UGT1A3: variants seen among roughly 807,000 people sequenced by gnomAD.
UGT1A3 encodes the protein UDP glucuronosyltransferase family 1 member A3.
A neutral mutation model predicts 41.0 loss-of-function variants in UGT1A3; 31 were observed. The ratio of observed to expected loss-of-function variants is 0.76; its 90% confidence interval spans 0.57 to 1.02. The LOEUF (loss-of-function observed/expected upper bound fraction) is 1.02, where lower values mean the gene tolerates loss of function less well. Ranked by LOEUF, UGT1A3 falls within the 50% of genes least tolerant of loss-of-function variation. The pLI is 0.00. For missense variants in UGT1A3, 737 were observed against 671.0 expected (o/e 1.10, Z -1.09); for synonymous variants, 262 against 257.6 (o/e 1.02, Z -0.17).
chr2:233,747,307 C>T (rs1472274155), intron 1 of UGT1A3: 68 of 1,602,316 alleles, frequency 4.2e-5, no homozygotes, highest in Admixed American at 3.8e-4. Flanking sequence ...TGGGAAGGTG[C>T]TGGTGGTACC....
intron 1 of UGT1A3, among the ~76,000 whole-genome samples, chr2:233,734,301 T>TATATACGTATAAATACG (rs2078508917): frequency 6.6e-6 from 1 of 152,170 alleles, no homozygotes; most frequent in Non-Finnish European, 1.5e-5. Context: ...GATTTTCTAG[T>TATATACGTATAAATACG]TTATTTGTGT....
chr2:233,769,864 A>C lies in UGT1A3; in HGVS notation c.1307+1425A>C, dbSNP rs2126048970. On this transcript the variant is annotated intron_variant, in intron 4 of 4. Transcript: ENST00000482026. The surrounding 1 kb of genome is among the most constrained non-coding windows in gnomAD (Gnocchi z 4.4). ...CAGAGTGAGACCCTGTCTCAAAAAA[A>C]AAAAAAAAAATGAAAAGTCCACATA... 6.3e-6 allele frequency: 3 copies of C among 472,760 alleles called. No homozygotes were observed. The highest frequency in any genetic ancestry group is 3.9e-5 in the South Asian group (1 of 25,612). The allele number at this position is 472,760 out of a possible 1,614,324, so 29.3% of individuals were successfully genotyped here. A position where few individuals can be genotyped will look rare whatever the true frequency, so the allele number is the denominator to read the frequency against.
chr2:233,761,925 G>C (rs1697902891), intron 1 of UGT1A3, among the ~76,000 whole-genome samples: 1 of 152,224 alleles, frequency 6.6e-6, no homozygotes, highest in Admixed American at 6.5e-5. Flanking sequence ...GGCAGCCCAG[G>C]CACTTCCCAG....
In UGT1A3 at chr2:233,729,672, TAAGGGCACACAGTGTCC is replaced by T. The variant is rs2077905850; in HGVS notation, c.549_565del (p.Gly184ProfsTer7). The T allele has an allele frequency of 6.2e-7, 1 of 1,613,858 alleles. No individual in the cohort carries two copies. The highest frequency in any genetic ancestry group is 1.1e-5 in the South Asian group (1 of 91,074). On this transcript the variant is annotated frameshift_variant, in exon 1 of 5. Transcript: ENST00000482026. LOFTEE classifies it high-confidence loss of function. ...GGAACATTCCATGTGATTTAGACTTTAAGGGCACACAGTGTCCAAACCCTTCCTCCTATATTCCTAGA... is the reference window on the plus strand; with the variant it reads ...GGAACATTCCATGTGATTTAGACTTTAAACCCTTCCTCCTATATTCCTAGA...
chr2:233,749,337 T>C (rs10179091), intron 1 of UGT1A3, among the ~76,000 whole-genome samples: 73,841 of 151,468 alleles, frequency 0.49, 18,755 homozygotes, highest in South Asian at 0.6. Context: ...TGTTGAAAAG[T>C]GGGATGGAAT....
At chr2:233,754,973 G>T in intron 1 of UGT1A3, 1 of 1,299,560 alleles carries the variant, frequency 7.7e-7, no homozygotes, top group Non-Finnish European at 1.0e-6. Flanking sequence ...ACTCCCTGAA[G>T]ACCTCGGCGG....
At chr2:233,742,273 A>C (rs1691925901) in intron 1 of UGT1A3, among the ~76,000 whole-genome samples, 1 of 151,986 alleles carries the variant, frequency 6.6e-6, no homozygotes, top group Non-Finnish European at 1.5e-5. Context: ...AGCCTGTGAT[A>C]AGCATCATTT....
intron 1 of UGT1A3, among the ~76,000 whole-genome samples, chr2:233,737,472 C>A (rs1374146427): frequency 6.6e-6 from 1 of 152,196 alleles, no homozygotes; most frequent in Non-Finnish European, 1.5e-5. Flanking sequence ...CATGGCTCCC[C>A]TTGTCTAGGA....
intron 1 of UGT1A3, among the ~76,000 whole-genome samples, chr2:233,762,100 T>C (rs1697968145): frequency 6.6e-6 from 1 of 152,226 alleles, no homozygotes; most frequent in Non-Finnish European, 1.5e-5. Flanking sequence ...TAGTTGTTGA[T>C]TGTCCGCTTC....
At position 233,767,137 on chromosome 2, in the gene UGT1A3, C is replaced by T. The variant is rs761316504; in HGVS notation, c.971C>T (p.Ala324Val). The T allele has an allele frequency of 3.1e-6, 5 of 1,614,108 alleles. No homozygotes were observed. The highest frequency in any genetic ancestry group is 1.7e-5 in the Admixed American group (1 of 60,028). Reference protein sequence around the residue: ...EIPEKKAMAIADALGKIPQTV... With the variant: ...EIPEKKAMAIVDALGKIPQTV... ...CCAGAGAAGAAAGCTATGGCAATTGCTGATGCTTTGGGCAAAATCCCTCAG... is the reference window on the plus strand; with the variant it reads ...CCAGAGAAGAAAGCTATGGCAATTGTTGATGCTTTGGGCAAAATCCCTCAG... The change falls in exon 2 of 5, where the codon GCT becomes GTT. Residue 324 changes from alanine (A) to valine (V), a missense_variant. Coordinates refer to ENST00000482026, the MANE Select transcript of UGT1A3 (RefSeq NM_019093.4).
intron 1 of UGT1A3, among the ~76,000 whole-genome samples, chr2:233,741,179 T>C (rs1691582575): frequency 6.6e-6 from 1 of 151,930 alleles, no homozygotes; most frequent in Non-Finnish European, 1.5e-5. Flanking sequence ...AAACTGAACT[T>C]GTGTTTGCTT....
chr2:233,748,079 G>A (rs1693856284), intron 1 of UGT1A3: 2 of 1,613,192 alleles, frequency 1.2e-6, no homozygotes, highest in Middle Eastern at 3.4e-4. Flanking sequence ...CACTATCTCA[G>A]GTCGGTGTTC....
chr2:233,755,332 C>G, intron 1 of UGT1A3: 1 of 459,718 alleles, frequency 2.2e-6, no homozygotes, highest in Non-Finnish European at 3.7e-6. Flanking sequence ...CCAGCACCCG[C>G]GCACAGGTCA....
intron 4 of UGT1A3, chr2:233,771,323 A>G (rs112105474): frequency 2.6e-5 from 4 of 151,390 alleles, no homozygotes; most frequent in Admixed American, 6.6e-5. Flanking sequence ...CTCCTCTTCA[A>G]TCTCCTCTTC....
At chr2:233,741,718 G>C (rs530950175) in intron 1 of UGT1A3, 1 of 151,992 alleles carries the variant, frequency 6.6e-6, no homozygotes, top group South Asian at 2.1e-4. Flanking sequence ...GGGTTCTAGA[G>C]CATATCCAAA....
At chr2:233,734,277 A>G (rs1251036524) in intron 1 of UGT1A3, among the ~76,000 whole-genome samples, 2 of 152,092 alleles carry the variant, frequency 1.3e-5, no homozygotes, top group African/African-American at 4.8e-5. Context: ...CCAGGAATTT[A>G]TCCATTTCTT....
At chr2:233,772,231 C>G (rs2126066106) in intron 4 of UGT1A3, 31 bp from the exon 5 acceptor site, 1 of 1,613,718 alleles carries the variant, frequency 6.2e-7, no homozygotes, top group Non-Finnish European at 8.5e-7. Context: ...CACAGGTGTT[C>G]CAGGCATAAC....
chr2:233,766,956 T>C (rs1699290274), intron 1 of UGT1A3, 78 bp from the exon 2 acceptor site: 3 of 1,604,724 alleles, frequency 1.9e-6, no homozygotes, highest in Non-Finnish European at 2.5e-6. Flanking sequence ...GAGGAAGATA[T>C]CTAATTCATA....
rs753125541 is a variant in UGT1A3, at chr2:233,729,452, A to C, written c.326A>C (p.Lys109Thr). The C allele has an allele frequency of 1.4e-5, 23 of 1,614,030 alleles. No individual in the cohort carries two copies. The highest frequency in any genetic ancestry group is 1.7e-4 in the Middle Eastern group (1 of 6,060). Residue 109 changes from lysine (K) to threonine (T), a missense_variant, in exon 1 of 5, where the codon AAA becomes ACA. Lys to Thr is a moderately conservative substitution (Grantham distance 78). Transcript: ENST00000482026. ...LYFETEHFLK[K>T]FFRSMAMLNN... ...TTTGAAACAGAACATTTTCTGAAGA[A>C]ATTTTTCAGAAGTATGGCAATGTTG...
Sources: allele counts gnomAD v4.1 joint callset (sites outside exome capture counted in the v4.1 genomes callset), GRCh38; gene constraint gnomAD v4.1.1; non-coding constraint Gnocchi (gnomAD v3.1); transcripts MANE v1.5; gene names NCBI Gene and HGNC (gene_info 2026-07-23, HGNC 2026-07-21).